Variants in PHF21B observed in about 807,000 individuals in gnomAD.
The protein encoded by PHF21B is PHD finger protein 21B.
PHF21B carries 22 observed loss-of-function variants against 62.2 expected under a neutral mutation model. The ratio of observed to expected loss-of-function variants is 0.35; its 90% CI spans 0.25 to 0.51. The LOEUF (loss-of-function observed/expected upper bound fraction) is 0.51. Among genes scored for constraint, PHF21B ranks in the 20% least tolerant of loss-of-function variants. The probability of loss-of-function intolerance (pLI) is 0.97; values close to 1 mark genes in which losing one functional copy is unlikely to be tolerated. For synonymous variants in PHF21B, 341 were observed against 314.7 expected, an observed-to-expected ratio of 1.08 and a Z score of -0.88; for missense variants, 701 against 707.9, an observed-to-expected ratio of 0.99 and a Z score of 0.11.
At chr22:44,950,721 T>A (rs1197692230) in intron 2 of PHF21B, among the ~76,000 whole-genome samples, 1 of 152,234 alleles carries the variant, frequency 6.6e-6, no homozygotes, top group African/African-American at 2.4e-5. Context: ...TTGGGGAATA[T>A]GAATCACTTG....
At chr22:44,968,295 T>C (rs1255990427) in intron 2 of PHF21B, among the ~76,000 whole-genome samples, 1 of 152,184 alleles carries the variant, frequency 6.6e-6, no homozygotes, top group African/African-American at 2.4e-5. Flanking sequence ...CTAAGAAATG[T>C]TTACTCTGTA....
intron 2 of PHF21B, among the ~76,000 whole-genome samples, chr22:44,961,207 A>G (rs139784906): frequency 0.013 from 1,914 of 152,110 alleles, 52 homozygotes; most frequent in African/African-American, 0.044. Context: ...CACCTGCCTC[A>G]GCCTCCCAAA....
intron 6 of PHF21B, among the ~76,000 whole-genome samples, chr22:44,893,976 G>GC (rs1234531247): frequency 6.6e-6 from 1 of 152,230 alleles, no homozygotes; most frequent in Non-Finnish European, 1.5e-5. Flanking sequence ...CCCCAGTGCA[G>GC]CCCCCAGCAG....
At chr22:44,976,198 C>T (rs1177536795) in intron 2 of PHF21B, among the ~76,000 whole-genome samples, 1 of 152,208 alleles carries the variant, frequency 6.6e-6, no homozygotes, top group African/African-American at 2.4e-5. Flanking sequence ...TTAATTGACA[C>T]ATAACTACAT....
intron 5 of PHF21B, among the ~76,000 whole-genome samples, chr22:44,912,847 C>T (rs1221716363): frequency 9.0e-6 from 1 of 110,598 alleles, no homozygotes; most frequent in Non-Finnish European, 1.7e-5. Flanking sequence ...CCAGTGCACA[C>T]CAGCATGGCT....
chr22:44,953,201 GCT>G (rs2072228485), intron 2 of PHF21B, among the ~76,000 whole-genome samples: 1 of 152,226 alleles, frequency 6.6e-6, no homozygotes. Flanking sequence ...GGCAGAAATG[GCT>G]CTCACAGGTC....
At chr22:44,904,397 G>A (rs899019272) in intron 5 of PHF21B, among the ~76,000 whole-genome samples, 3 of 151,764 alleles carry the variant, frequency 2.0e-5, no homozygotes, top group African/African-American at 7.3e-5. Context: ...CTATCTTCTG[G>A]CAAAAGCACA....
chr22:44,932,237 G>A lies in PHF21B; in HGVS notation c.121-11747C>T, dbSNP rs139574505. Among the ~76,000 whole-genome samples, 30 of 152,362 alleles carry A rather than the reference G, an allele frequency of 2.0e-4. 1 individual carries two copies. In the East Asian group the frequency reaches 5.4e-3, roughly 27 times the overall value. On this transcript the variant is annotated intron_variant, in intron 2 of 12. Transcript: ENST00000313237. ...CTGTAAGGGCTGCCAGGAGAGGGCA[G>A]ATTGGGGGGCGAATGCCCCACCCCA...
intron 2 of PHF21B, among the ~76,000 whole-genome samples, chr22:44,930,963 G>T (rs1350579347): frequency 1.3e-5 from 2 of 152,244 alleles, no homozygotes; most frequent in East Asian, 3.8e-4. Flanking sequence ...AGCAGCTCCG[G>T]AGAGGTGAGC....
At position 44,888,120 on chromosome 22, in the gene PHF21B, T is replaced by C; in HGVS notation, c.1040A>G (p.Asn347Ser). The C allele has an allele frequency of 1.3e-6, 2 of 1,522,228 alleles. No homozygotes were observed. Among genetic ancestry groups the C allele is most frequent in the Non-Finnish European group, 1.8e-6 (2 of 1,132,002 alleles). 94.3% of individuals were successfully genotyped at this position (1,522,228 alleles called of 1,614,324 possible). Residue 347 changes from asparagine to serine, a missense_variant and splice_region_variant, in exon 10 of 13, where the codon AAC becomes AGC. Physicochemically the swap from Asn to Ser is conservative, Grantham distance 46. Transcript: ENST00000313237. ...ACAGTGCTCATCGTGGGTGATCTCG[T>C]TCTGGAAGAGAAGGGAGGGCAGGAG... ...ARANEDPCWK[N>S]EITHDEHCAA...
intron 4 of PHF21B, among the ~76,000 whole-genome samples, chr22:44,914,303 T>A (rs559809052): frequency 6.6e-6 from 1 of 152,158 alleles, no homozygotes; most frequent in African/African-American, 2.4e-5. Context: ...AGGGTCTGCA[T>A]GAGAAGCTGG....
chr22:44,949,989 A>G (rs1013200595), intron 2 of PHF21B, among the ~76,000 whole-genome samples: 4 of 152,202 alleles, frequency 2.6e-5, no homozygotes, highest in Admixed American at 6.5e-5. Context: ...TCCATGGATG[A>G]CACAGCGTGT....
At chr22:44,961,844 CAAAA>C (rs1382308030) in intron 2 of PHF21B, among the ~76,000 whole-genome samples, 4 of 126,682 alleles carry the variant, frequency 3.2e-5, no homozygotes, top group Admixed American at 8.8e-5. Context: ...GACTCTGTCT[CAAAA>C]TAAATAAATA....
chr22:44,916,351 G>A lies in PHF21B; in HGVS notation c.493C>T (p.Pro165Ser), dbSNP rs779806576. 1 of 1,597,046 alleles carries A rather than the reference G, an allele frequency of 6.3e-7. No individual in the cohort carries two copies. Among genetic ancestry groups the A allele is most frequent in the Non-Finnish European group, 8.5e-7 (1 of 1,176,588 alleles). Residue 165 changes from proline (P) to serine (S), a missense_variant, in exon 4 of 13, where the codon CCC (proline) becomes TCC (serine). Physicochemically the swap from Pro to Ser is moderately conservative, Grantham distance 74. Transcript: ENST00000313237. ...CTGACCACAGACACGGCGGTGCTGG[G>A]GGCCATGGCGGCGGCATTGCTGGGG... is the stretch of plus-strand genomic sequence containing the variant. ...TSPSNAAAMAPSTAVSVVSDS... is the reference protein window; with the variant it reads ...TSPSNAAAMASSTAVSVVSDS...
At chr22:44,974,823 C>T (rs528408289) in intron 2 of PHF21B, among the ~76,000 whole-genome samples, 34 of 152,264 alleles carry the variant, frequency 2.2e-4, no homozygotes, top group Admixed American at 6.5e-4. Flanking sequence ...GATATAGATG[C>T]CAACCAATTT....
At chr22:45,005,874 T>G (rs143813588) in intron 2 of PHF21B, among the ~76,000 whole-genome samples, 292 of 152,342 alleles carry the variant, frequency 1.9e-3, no homozygotes, top group Non-Finnish European at 3.5e-3. Flanking sequence ...TGTGACACAC[T>G]TGCCTTTTCA....
intron 2 of PHF21B, among the ~76,000 whole-genome samples, chr22:44,993,440 G>A (rs569099009): frequency 2.2e-4 from 33 of 152,298 alleles, no homozygotes; most frequent in Admixed American, 1.0e-3. Flanking sequence ...CCTCCCACCC[G>A]CCAGGGCTCT....
chr22:45,008,236 C>A (rs1645601700), intron 2 of PHF21B: 1 of 248,132 alleles, frequency 4.0e-6, no homozygotes, highest in Non-Finnish European at 7.6e-6. Flanking sequence ...GCGGGGGACT[C>A]CGAGCCGGGA....
Position 44,920,388 on chromosome 22 carries a change from G to T in PHF21B, c.213+10C>A, listed in dbSNP as rs752891666. 1.2e-6 allele frequency: 2 copies of T among 1,602,944 alleles called. No homozygotes were observed. The highest frequency in any genetic ancestry group is 1.7e-6 in the Non-Finnish European group (2 of 1,173,210). Reference sequence around the variant, plus strand: ...ACGGACACCCCAGGGCCCGCCCGAGGGCTGCTTACCTGAGGTAGCACTGCC... The same window carrying T: ...ACGGACACCCCAGGGCCCGCCCGAGTGCTGCTTACCTGAGGTAGCACTGCC... On this transcript the variant is annotated intron_variant, in intron 3 of 12. Coordinates refer to ENST00000313237, the MANE Select transcript of PHF21B (RefSeq NM_138415.5).
Sources: allele counts gnomAD v4.1 joint callset (sites outside exome capture counted in the v4.1 genomes callset), GRCh38; gene constraint gnomAD v4.1.1; transcripts MANE v1.5; gene names NCBI Gene and HGNC (gene_info 2026-07-23, HGNC 2026-07-21).